The following MYLK variants were observed in gnomAD, a reference collection of about 807,000 sequenced individuals.
The protein encoded by MYLK is myosin light chain kinase, smooth muscle.
In MYLK, 106 loss-of-function variants were observed where a neutral mutation model predicts 203.4. The ratio of observed to expected loss-of-function variants is 0.52; its 90% CI spans 0.45 to 0.61. The LOEUF is 0.61. Among genes scored for constraint, MYLK ranks in the 20% least tolerant of loss-of-function variants. MYLK has a pLI of 0.00. For synonymous variants in MYLK, 867 were observed against 959.5 expected (o/e 0.90, Z 1.78); for missense variants, 2,072 against 2,442.3 (o/e 0.85, Z 3.20).
Position 123,692,850 on chromosome 3 carries a change from G to C in MYLK, c.3450C>G (p.Gly1150=), listed in dbSNP as rs1431804078. The change falls in exon 19 of 34, where the codon GGC becomes GGG. Residue 1150 remains glycine, a splice_region_variant and synonymous_variant. Transcript: ENST00000360304. ...TCTCGATGGAGACGGAGCAGAGTGAGCCTGGGGAGGAAGAATTGTGGAGTG... is the reference window on the plus strand; with the variant it reads ...TCTCGATGGAGACGGAGCAGAGTGACCCTGGGGAGGAAGAATTGTGGAGTG... The part of the protein sequence containing the change: ...TTKFIILSQE[G]SLCSVSIEKA... The C allele has an allele frequency of 6.2e-7, 1 of 1,612,944 alleles. No homozygotes were observed. Among genetic ancestry groups the C allele is most frequent in the Non-Finnish European group, 8.5e-7 (1 of 1,179,074 alleles).
intron 11 of MYLK, among the ~76,000 whole-genome samples, chr3:123,727,829 T>C (rs1174803061): frequency 6.6e-6 from 1 of 152,094 alleles, no homozygotes; most frequent in East Asian, 1.9e-4. Flanking sequence ...GAGTAAATCA[T>C]TGTTAGATCA....
intron 13 of MYLK, among the ~76,000 whole-genome samples, chr3:123,711,434 G>C (rs1334492138): frequency 6.6e-6 from 1 of 152,194 alleles, no homozygotes; most frequent in Non-Finnish European, 1.5e-5. Context: ...AAGTCAAGGA[G>C]GAGGGTGAGA....
intron 3 of MYLK, among the ~76,000 whole-genome samples, chr3:123,810,319 C>T (rs1446776355): frequency 6.6e-6 from 1 of 152,170 alleles, no homozygotes; most frequent in Non-Finnish European, 1.5e-5. Flanking sequence ...CCTGCCCCTG[C>T]TTCCCTTCCC....
rs1233106077 is a variant in MYLK, at chr3:123,733,226, C to T, written c.1310-124G>A. Reference sequence around the variant, plus strand: ...AGTTTGGTGTGGAGCTGCCCTCCCACCTCTGAGTCTGCTTCCTCACCCTCA... The same window carrying T: ...AGTTTGGTGTGGAGCTGCCCTCCCATCTCTGAGTCTGCTTCCTCACCCTCA... On this transcript the variant is annotated intron_variant, in intron 10 of 33. Coordinates refer to ENST00000360304, the MANE Select transcript of MYLK (RefSeq NM_053025.4). The T allele has an allele frequency of 1.0e-5, 11 of 1,064,140 alleles. No individual in the cohort carries two copies. The Admixed American group carries it at 1.2e-4, about 12-fold the overall frequency. The allele number at this position is 1,064,140 out of a possible 1,614,324, so 65.9% of individuals were successfully genotyped here. A position where few individuals can be genotyped will look rare whatever the true frequency, so the allele number is the denominator to read the frequency against.
In MYLK at chr3:123,725,936, G is replaced by A. The variant is rs201253309; in HGVS notation, c.1651+8C>T. The stretch of plus-strand genomic sequence containing the variant: ...TGGGAGCAGAGAGCTGGGGCAGGGG[G>A]AACTCACCATTCAGCAGCCAAGTGA... On this transcript the variant is annotated splice_region_variant and intron_variant, in intron 12 of 33. Coordinates refer to ENST00000360304, the MANE Select transcript of MYLK (RefSeq NM_053025.4). 2.4e-5 allele frequency: 39 copies of A among 1,613,384 alleles called. No individual in the cohort carries two copies. The highest frequency in any genetic ancestry group is 4.5e-5 in the East Asian group (2 of 44,864).
At chr3:123,853,836 A>C (rs2031092541) in intron 2 of MYLK, among the ~76,000 whole-genome samples, 1 of 152,104 alleles carries the variant, frequency 6.6e-6, no homozygotes, top group Admixed American at 6.6e-5. Context: ...AAACACCCAT[A>C]AATTATTTTA....
Position 123,700,788 on chromosome 3 carries a change from GCTCCAC to G in MYLK, c.2674_2679del (p.Val892_Glu893del). On this transcript the variant is annotated inframe_deletion, in exon 18 of 34. Transcript: ENST00000360304. ...CCCAGGAGGTCTCGGAAGTCCAGCT[GCTCCAC>G]CTCCTGCTGGCGGATCGCCTCCTCA... 6.2e-7 allele frequency: 1 copy of G among 1,614,234 alleles called. No individual in the cohort carries two copies. The highest frequency in any genetic ancestry group is 8.5e-7 in the Non-Finnish European group (1 of 1,180,036).
At chr3:123,635,954 C>A (rs1340059018) in intron 29 of MYLK, among the ~76,000 whole-genome samples, 1 of 152,184 alleles carries the variant, frequency 6.6e-6, no homozygotes, top group African/African-American at 2.4e-5. Flanking sequence ...ATGAGTCTCA[C>A]AAACGATGTC....
intron 20 of MYLK, among the ~76,000 whole-genome samples, chr3:123,679,923 C>T (rs1463843401): frequency 6.6e-6 from 1 of 152,146 alleles, no homozygotes; most frequent in African/African-American, 2.4e-5. Flanking sequence ...CTTCTCAAGA[C>T]CCACAGTGTG....
At chr3:123,849,509 T>A (rs573767398) in intron 2 of MYLK, among the ~76,000 whole-genome samples, 1 of 152,290 alleles carries the variant, frequency 6.6e-6, no homozygotes, top group South Asian at 2.1e-4. Context: ...GCAGTTGCTT[T>A]CAAATGTGGG....
At chr3:123,617,844 C>G (rs910217895) in intron 33 of MYLK, 1 of 152,258 alleles carries the variant, frequency 6.6e-6, no homozygotes, top group African/African-American at 2.4e-5. Context: ...GCTCATTTCT[C>G]AGGTGCTATG....
At chr3:123,724,806 G>A (rs1255702089) in intron 12 of MYLK, among the ~76,000 whole-genome samples, 3 of 151,992 alleles carry the variant, frequency 2.0e-5, no homozygotes, top group African/African-American at 7.2e-5. Flanking sequence ...GTGCAATGGC[G>A]CAATCTCGGC....
chr3:123,679,389 C>T (rs908091136), intron 20 of MYLK, among the ~76,000 whole-genome samples: 1 of 151,806 alleles, frequency 6.6e-6, no homozygotes, highest in Non-Finnish European at 1.5e-5. Context: ...TCTCAGGAGG[C>T]TCCAGAAACA....
chr3:123,672,273 G>A (rs2059939781), intron 20 of MYLK, among the ~76,000 whole-genome samples: 2 of 151,820 alleles, frequency 1.3e-5, no homozygotes, highest in African/African-American at 2.4e-5. Context: ...GAAGGAGGGA[G>A]GAGAGCGAGA....
chr3:123,687,967 G>T (rs562783210), intron 19 of MYLK, among the ~76,000 whole-genome samples: 1 of 152,230 alleles, frequency 6.6e-6, no homozygotes, highest in South Asian at 2.1e-4. Flanking sequence ...ACCTGGCCTG[G>T]CACACTAATC....
intron 20 of MYLK, among the ~76,000 whole-genome samples, chr3:123,680,504 C>T (rs1021153887): frequency 1.2e-4 from 18 of 152,240 alleles, no homozygotes; most frequent in African/African-American, 4.1e-4. Context: ...ATTATTAACC[C>T]ATTCTCACCA....
intron 28 of MYLK, chr3:123,638,670 G>T (rs1456456646): frequency 3.8e-6 from 3 of 783,434 alleles, no homozygotes; most frequent in Non-Finnish European, 4.6e-6. Context: ...TCCCCACCCG[G>T]TTAACAAGTG....
At chr3:123,830,996 G>C (rs1026795874) in intron 3 of MYLK, among the ~76,000 whole-genome samples, 1 of 152,172 alleles carries the variant, frequency 6.6e-6, no homozygotes, top group African/African-American at 2.4e-5. Context: ...ACAGAGTGCA[G>C]GTGACCAGGT....
chr3:123,762,405 AT>A (rs2063564979), intron 4 of MYLK, among the ~76,000 whole-genome samples: 2 of 151,274 alleles, frequency 1.3e-5, no homozygotes, highest in South Asian at 4.2e-4. Context: ...AATTTTTCAT[AT>A]TTTTGGTAAA....
Sources: allele counts gnomAD v4.1 joint callset (sites outside exome capture counted in the v4.1 genomes callset), GRCh38; gene constraint gnomAD v4.1.1; transcripts MANE v1.5; gene names NCBI Gene and HGNC (gene_info 2026-07-23, HGNC 2026-07-21).